The following VDAC1 variants were observed in gnomAD, a reference collection of about 807,000 sequenced individuals.
VDAC1 encodes voltage dependent anion channel 1, also known as non-selective voltage-gated ion channel VDAC1.
In VDAC1, 10 loss-of-function variants were observed where a neutral mutation model predicts 34.7. That is an observed-to-expected ratio of 0.29 (90% CI 0.18 to 0.49). The LOEUF (loss-of-function observed/expected upper bound fraction) is 0.49. Among genes scored for constraint, VDAC1 ranks in the 20% least tolerant of loss-of-function variants. The probability of loss-of-function intolerance (pLI) is 0.99; values close to 1 mark genes in which losing one functional copy is unlikely to be tolerated. For missense variants in VDAC1, 230 were observed against 347.9 expected (o/e 0.66, Z 2.69); for synonymous variants, 130 against 136.0 (o/e 0.96, Z 0.30).
intron 6 of VDAC1, among the ~76,000 whole-genome samples, chr5:133,978,680 C>T (rs1752573023): frequency 6.6e-6 from 1 of 152,124 alleles, no homozygotes; most frequent in African/African-American, 2.4e-5. Flanking sequence ...ATCCTAAAAC[C>T]AGGAACACAA....
At chr5:134,015,759 C>T in the VDAC1 span, among the ~76,000 whole-genome samples, 2 of 152,130 alleles carry the variant, frequency 1.3e-5, no homozygotes, top group Non-Finnish European at 2.9e-5. Flanking sequence ...ATTCTCCTGC[C>T]TCAGCCTCCC....
the VDAC1 span, among the ~76,000 whole-genome samples, chr5:134,063,441 T>C: frequency 6.6e-6 from 1 of 152,188 alleles, no homozygotes; most frequent in Admixed American, 6.5e-5. Flanking sequence ...CCCTCCCACA[T>C]TGATTCAGTG....
At chr5:134,113,320 G>T in the VDAC1 span, among the ~76,000 whole-genome samples, 1 of 152,232 alleles carries the variant, frequency 6.6e-6, no homozygotes, top group Non-Finnish European at 1.5e-5. Context: ...GCGGGGGAGG[G>T]GGGTGTGGGG....
At chr5:134,111,453 C>T in the VDAC1 span, among the ~76,000 whole-genome samples, 14 of 152,244 alleles carry the variant, frequency 9.2e-5, no homozygotes, top group African/African-American at 3.4e-4. Flanking sequence ...GCACTCACTA[C>T]CCTGTGGAAG....
At chr5:134,093,800 C>T in the VDAC1 span, among the ~76,000 whole-genome samples, 3 of 152,326 alleles carry the variant, frequency 2.0e-5, no homozygotes, top group East Asian at 5.8e-4. Flanking sequence ...GTACCACTCT[C>T]TGCTGCCCAG....
At chr5:134,077,125 A>G in the VDAC1 span, among the ~76,000 whole-genome samples, 1 of 152,070 alleles carries the variant, frequency 6.6e-6, no homozygotes, top group Admixed American at 6.5e-5. Context: ...AAAAATACAA[A>G]AATTAGCCAG....
the VDAC1 span, among the ~76,000 whole-genome samples, chr5:134,042,546 T>C: frequency 6.6e-6 from 1 of 152,120 alleles, no homozygotes; most frequent in Non-Finnish European, 1.5e-5. Flanking sequence ...CTCTCCAGAG[T>C]GCAGTGGTGC....
At chr5:134,047,977 C>G in the VDAC1 span, among the ~76,000 whole-genome samples, 2,974 of 151,082 alleles carry the variant, frequency 0.02, 43 homozygotes, top group Non-Finnish European at 0.032. Flanking sequence ...GGGTTCTGCA[C>G]CACTACACTC....
chr5:134,075,034 C>G, the VDAC1 span, among the ~76,000 whole-genome samples: 1 of 152,172 alleles, frequency 6.6e-6, no homozygotes, highest in Non-Finnish European at 1.5e-5. Context: ...GGCCACAGAG[C>G]TTTTTCATAC....
chr5:134,089,167 G>T, the VDAC1 span, among the ~76,000 whole-genome samples: 1 of 152,250 alleles, frequency 6.6e-6, no homozygotes, highest in African/African-American at 2.4e-5. Flanking sequence ...GGACAGGCAA[G>T]GACAAAGAGC....
At chr5:133,982,330 G>A (rs538252394) in intron 5 of VDAC1, among the ~76,000 whole-genome samples, 33 of 152,068 alleles carry the variant, frequency 2.2e-4, no homozygotes, top group Admixed American at 1.9e-3. Flanking sequence ...TGGCCAACAT[G>A]GTGAAACACC....
At chr5:134,077,006 C>T in the VDAC1 span, among the ~76,000 whole-genome samples, 3 of 152,188 alleles carry the variant, frequency 2.0e-5, no homozygotes, top group East Asian at 1.9e-4. Context: ...AGTCCAAGCA[C>T]GGTAGCTCAC....
At chr5:134,022,877 G>T in the VDAC1 span, among the ~76,000 whole-genome samples, 1 of 152,182 alleles carries the variant, frequency 6.6e-6, no homozygotes, top group African/African-American at 2.4e-5. Context: ...CTGTTGGTGG[G>T]AGTGTAAATT....
chr5:134,105,808 A>C, the VDAC1 span, among the ~76,000 whole-genome samples: 1 of 152,118 alleles, frequency 6.6e-6, no homozygotes, highest in African/African-American at 2.4e-5. Context: ...AACACAGCCA[A>C]CCCCTCATCT....
chr5:134,053,001 G>A, the VDAC1 span, among the ~76,000 whole-genome samples: 1 of 152,152 alleles, frequency 6.6e-6, no homozygotes, highest in Non-Finnish European at 1.5e-5. Flanking sequence ...TGTAATCCCA[G>A]CTACCCGGGA....
intron 8 of VDAC1, among the ~76,000 whole-genome samples, chr5:133,973,080 C>A (rs1752358317): frequency 6.6e-6 from 1 of 152,220 alleles, no homozygotes; most frequent in South Asian, 2.1e-4. Flanking sequence ...AGAGAGCCTA[C>A]CCAAATCTAC....
chr5:134,018,858 A>G, the VDAC1 span, among the ~76,000 whole-genome samples: 1 of 152,196 alleles, frequency 6.6e-6, no homozygotes, highest in East Asian at 1.9e-4. Flanking sequence ...GAGCCCCAGT[A>G]AAAACTCTAG....
rs1314812128 is a variant in VDAC1 at position 134,001,101 on chromosome 5, T to TCC, written c.-7+3792_-7+3793dup. Among the ~76,000 whole-genome samples the TCC allele has an allele frequency of 2.0e-4, 30 of 152,302 alleles. 1 individual carries two copies. Among genetic ancestry groups the TCC allele is most frequent in the African/African-American group, 7.0e-4 (29 of 41,552 alleles). ...CTGACTGGTGTGGAAAAATAATGTC[T>TCC]CCCATCTGAACACCAATTTTGACTT... On this transcript the variant is annotated intron_variant, in intron 1 of 8. Coordinates refer to ENST00000265333, the MANE Select transcript of VDAC1 (RefSeq NM_003374.3).
At chr5:134,113,674 C>T in the VDAC1 span, among the ~76,000 whole-genome samples, 108 of 152,284 alleles carry the variant, frequency 7.1e-4, no homozygotes, top group Non-Finnish European at 1.3e-3. Flanking sequence ...AGGGGCTGAG[C>T]CAGGCCAAGC....
Sources: allele counts gnomAD v4.1 joint callset (sites outside exome capture counted in the v4.1 genomes callset), GRCh38; gene constraint gnomAD v4.1.1; transcripts MANE v1.5; gene names NCBI Gene and HGNC (gene_info 2026-07-23, HGNC 2026-07-21).